The following ANKFN1 variants were observed in gnomAD, a reference collection of about 807,000 sequenced individuals.
ANKFN1 encodes ankyrin repeat and fibronectin type III domain containing 1.
A neutral mutation model predicts 108.7 loss-of-function variants in ANKFN1; 74 were observed. That is an observed-to-expected ratio of 0.68 (90% CI 0.56 to 0.83). ANKFN1 has a LOEUF of 0.83. ANKFN1 is among the 40% of genes least tolerant of loss of function. ANKFN1 has a pLI of 0.00. For missense variants in ANKFN1, 1,505 were observed against 1,382.3 expected (o/e 1.09, Z -1.41); for synonymous variants, 547 against 516.2 (o/e 1.06, Z -0.81).
intron 4 of ANKFN1, among the ~76,000 whole-genome samples, chr17:56,100,565 A>G (rs1278651920): frequency 6.6e-6 from 1 of 152,204 alleles, no homozygotes; most frequent in African/African-American, 2.4e-5. Context: ...AATAGTAAAC[A>G]GTTGCTATAA....
At chr17:56,441,521 T>G (rs2049104136) in intron 9 of ANKFN1, among the ~76,000 whole-genome samples, 1 of 152,146 alleles carries the variant, frequency 6.6e-6, no homozygotes, top group African/African-American at 2.4e-5. Flanking sequence ...CCTGAGTGGG[T>G]GGCCCCCAGA....
At chr17:56,186,874 C>A (rs1407892763) in intron 1 of ANKFN1, among the ~76,000 whole-genome samples, 2 of 152,184 alleles carry the variant, frequency 1.3e-5, no homozygotes, top group African/African-American at 2.4e-5. Context: ...GGAAAACTGG[C>A]TAGCCATATG....
intron 15 of ANKFN1, among the ~76,000 whole-genome samples, chr17:56,473,802 A>T (rs1229240797): frequency 6.6e-6 from 1 of 152,034 alleles, no homozygotes; most frequent in African/African-American, 2.4e-5. Context: ...CACAGAGTAG[A>T]TGCTCAGTAA....
chr17:56,361,935 T>A (rs866761748), intron 6 of ANKFN1, among the ~76,000 whole-genome samples: 3 of 152,114 alleles, frequency 2.0e-5, no homozygotes, highest in Non-Finnish European at 4.4e-5. Flanking sequence ...GTGACATGTA[T>A]AACCTAATCT....
In ANKFN1 at chr17:56,317,040, ACT is replaced by A. The variant is rs538660730; in HGVS notation, c.54-9178_54-9177del. On this transcript the variant is annotated intron_variant, in intron 3 of 20. Transcript: ENST00000682825. ...CTGGAAAGAGAGATCACATATATTG[ACT>A]CTGAAATATCAGACCATATGTCCAA... Among the ~76,000 whole-genome samples, 324 of 152,284 alleles carry A rather than the reference ACT, an allele frequency of 2.1e-3. 2 individuals are homozygous for A. The highest frequency in any genetic ancestry group is 3.7e-3 in the Non-Finnish European group (249 of 68,006).
At chr17:56,108,628 A>G (rs945272942) in intron 4 of ANKFN1, among the ~76,000 whole-genome samples, 6 of 152,262 alleles carry the variant, frequency 3.9e-5, no homozygotes, top group Admixed American at 1.3e-4. Context: ...CAGCTAGTAC[A>G]GGGCAGAACT....
intron 4 of ANKFN1, among the ~76,000 whole-genome samples, chr17:56,111,569 A>C (rs1170425974): frequency 2.0e-5 from 3 of 152,098 alleles, no homozygotes; most frequent in Non-Finnish European, 4.4e-5. Flanking sequence ...ATTACTAGGA[A>C]CAAATCCCTT....
At chr17:56,354,747 A>T (rs796853422) in intron 6 of ANKFN1, among the ~76,000 whole-genome samples, 7 of 152,172 alleles carry the variant, frequency 4.6e-5, no homozygotes, top group Non-Finnish European at 7.4e-5. Context: ...TCAACTTTTT[A>T]AAAAAATTCC....
At position 56,513,089 on chromosome 17, in the gene ANKFN1, T is replaced by G. The variant is rs1567721325; in HGVS notation, c.*1820T>G. Among the ~76,000 whole-genome samples the G allele has an allele frequency of 6.6e-6, 1 of 152,048 alleles. No individual in the cohort carries two copies. Among genetic ancestry groups the G allele is most frequent in the Non-Finnish European group, 1.5e-5 (1 of 68,006 alleles). ...GTAGGGCAATTAAGACCCAGAGAGG[T>G]TAAGTAACATGCTCAAGGTCACGGA... On this transcript the variant is annotated 3_prime_UTR_variant, in exon 21 of 21. Transcript: ENST00000682825.
In ANKFN1 at chr17:56,063,324, G is replaced by A. The variant is rs536830243; in HGVS notation, c.288+16999G>A. On this transcript the variant is annotated intron_variant, in intron 4 of 12. Coordinates refer to the ANKFN1 transcript ENST00000635860. ...TTGTTAGATTGGGGAAGTTCTCCTG[G>A]ATAATATCCTGAAATGTGTTTTCCA... Among the ~76,000 whole-genome samples, 6 of 152,042 alleles carry A rather than the reference G, an allele frequency of 3.9e-5. No individual in the cohort carries two copies. In the South Asian group the frequency reaches 1.0e-3, roughly 26 times the overall value.
At chr17:56,223,356 C>T (rs1326944839) in intron 2 of ANKFN1, among the ~76,000 whole-genome samples, 1 of 151,972 alleles carries the variant, frequency 6.6e-6, no homozygotes, top group East Asian at 1.9e-4. Flanking sequence ...TAAATATTTT[C>T]TAAATGTTTG....
chr17:56,516,560 A>C lies in ANKFN1; in HGVS notation c.*5291A>C, dbSNP rs2051922576. 6.6e-6 allele frequency among the ~76,000 whole-genome samples: 1 copy of C among 152,084 alleles called. No individual in the cohort carries two copies. Among genetic ancestry groups the C allele is most frequent in the African/African-American group, 2.4e-5 (1 of 41,398 alleles). On this transcript the variant is annotated 3_prime_UTR_variant, in exon 21 of 21. Transcript: ENST00000682825. ...GTATGGTGTGTTAAATGTGACTTCC[A>C]CTCTTGAAACAATAATTTTTTTGTA... is the stretch of plus-strand genomic sequence containing the variant.
At chr17:56,413,854 G>A (rs1195936120) in intron 8 of ANKFN1, among the ~76,000 whole-genome samples, 1 of 151,910 alleles carries the variant, frequency 6.6e-6, no homozygotes, top group African/African-American at 2.4e-5. Flanking sequence ...CAAGTAGCTG[G>A]GATTACAGAG....
At chr17:56,070,929 T>C (rs1905114240) in intron 4 of ANKFN1, among the ~76,000 whole-genome samples, 2 of 152,008 alleles carry the variant, frequency 1.3e-5, no homozygotes, top group Non-Finnish European at 2.9e-5. Flanking sequence ...AGAGATGGGG[T>C]TTCACCATGT....
intron 18 of ANKFN1, among the ~76,000 whole-genome samples, chr17:56,485,217 A>G (rs768245394): frequency 6.6e-6 from 1 of 152,220 alleles, no homozygotes; most frequent in Non-Finnish European, 1.5e-5. Flanking sequence ...TAACAAACCA[A>G]TCAATAAACC....
intron 4 of ANKFN1, among the ~76,000 whole-genome samples, chr17:56,079,099 A>T (rs1035297364): frequency 2.0e-5 from 3 of 152,306 alleles, no homozygotes; most frequent in African/African-American, 7.2e-5. Context: ...CTGCTGCCAG[A>T]GCTTGAAGTC....
chr17:56,290,777 C>G (rs565736083), intron 3 of ANKFN1, among the ~76,000 whole-genome samples: 86 of 152,204 alleles, frequency 5.7e-4, no homozygotes, highest in African/African-American at 2.0e-3. Context: ...TTAGTGACCC[C>G]TCTCATCTCA....
intron 6 of ANKFN1, among the ~76,000 whole-genome samples, chr17:56,356,962 A>C (rs1176055682): frequency 6.6e-6 from 1 of 152,182 alleles, no homozygotes; most frequent in Non-Finnish European, 1.5e-5. Flanking sequence ...TACCTCCCAA[A>C]GCCCCCTGTG....
chr17:56,446,581 C>G (rs1464421899), intron 10 of ANKFN1, among the ~76,000 whole-genome samples: 1 of 152,216 alleles, frequency 6.6e-6, no homozygotes, highest in African/African-American at 2.4e-5. Context: ...CGAGTCTGCT[C>G]TGTGCCCCAG....
Sources: gnomAD v4.1 joint callset for allele counts (sites outside exome capture counted in the v4.1 genomes callset) on GRCh38, gnomAD v4.1.1 for gene constraint, MANE v1.5 for transcripts, NCBI Gene and HGNC (gene_info 2026-07-23, HGNC 2026-07-21) for gene names.